Variants in UGT1A8 observed in about 807,000 individuals in gnomAD.
The protein encoded by UGT1A8 is UDP-glucuronosyltransferase 1A8.
In UGT1A8, 39 loss-of-function variants were observed where a neutral mutation model predicts 45.3. That is an observed-to-expected ratio of 0.86 (90% CI 0.67 to 1.12). The LOEUF (loss-of-function observed/expected upper bound fraction) is 1.12, where lower values mean the gene tolerates loss of function less well. Ranked by LOEUF, UGT1A8 falls within the 50% of genes most tolerant of loss-of-function variation. UGT1A8 has a pLI of 0.00. For synonymous variants in UGT1A8, 275 were observed against 249.2 expected (o/e 1.10, Z -0.97); for missense variants, 719 against 664.9 (o/e 1.08, Z -0.90).
intron 1 of UGT1A8, chr2:233,713,938 A>C: frequency 6.2e-7 from 1 of 1,610,914 alleles, no homozygotes; most frequent in Non-Finnish European, 8.5e-7. Flanking sequence ...AAGTGCTTCC[A>C]TATCTACTTA....
chr2:233,681,968 C>T, intron 1 of UGT1A8: 1 of 1,614,070 alleles, frequency 6.2e-7, no homozygotes, highest in Non-Finnish European at 8.5e-7. Flanking sequence ...TGGCCTCCTT[C>T]CCCTATATGT....
chr2:233,769,478 T>C lies in UGT1A8; in HGVS notation c.1295+1039T>C. The C allele has an allele frequency of 5.6e-6, 9 of 1,611,038 alleles. No homozygotes were observed. Among genetic ancestry groups the C allele is most frequent in the Non-Finnish European group, 7.6e-6 (9 of 1,178,536 alleles). On this transcript the variant is annotated intron_variant, in intron 4 of 4. Transcript: ENST00000373450. The surrounding 1 kb of genome is among the most constrained non-coding windows in gnomAD (Gnocchi z 4.4). Reference sequence around the variant, plus strand: ...GCATTCATATGCGTGTGTGTGTGTGTGCGTGTGTTTATGAGAGTGTCCATT... The same window carrying C: ...GCATTCATATGCGTGTGTGTGTGTGCGCGTGTGTTTATGAGAGTGTCCATT...
chr2:233,768,192 CT>C, intron 3 of UGT1A8, 27 bp from the exon 4 acceptor site: 1 of 1,614,080 alleles, frequency 6.2e-7, no homozygotes, highest in Non-Finnish European at 8.5e-7. Context: ...GATGTAACTG[CT>C]GACATCCTCC....
intron 1 of UGT1A8, among the ~76,000 whole-genome samples, chr2:233,669,095 T>C (rs1429104464): frequency 6.6e-6 from 1 of 152,188 alleles, no homozygotes; most frequent in Admixed American, 6.5e-5. Flanking sequence ...TGTTGAAGAG[T>C]CATCTTTTCC....
At chr2:233,754,372 G>A (rs994818909) in intron 1 of UGT1A8, 3 of 279,470 alleles carry the variant, frequency 1.1e-5, no homozygotes, top group East Asian at 9.0e-5. Flanking sequence ...TACAATGATC[G>A]AAAGACAAAC....
chr2:233,741,653 G>T (rs1248296818), intron 1 of UGT1A8: 1 of 151,908 alleles, frequency 6.6e-6, no homozygotes, highest in African/African-American at 2.4e-5. Flanking sequence ...CCAGCTGACT[G>T]CCATGTTCCT....
intron 1 of UGT1A8, among the ~76,000 whole-genome samples, chr2:233,641,708 T>C (rs1056943582): frequency 2.0e-5 from 3 of 152,210 alleles, no homozygotes; most frequent in Non-Finnish European, 4.4e-5. Flanking sequence ...ATTGATAAAA[T>C]TCCTCAACTT....
intron 1 of UGT1A8, among the ~76,000 whole-genome samples, chr2:233,761,404 T>C (rs1310235983): frequency 6.6e-6 from 1 of 152,228 alleles, no homozygotes; most frequent in East Asian, 1.9e-4. Flanking sequence ...TAGTAATCAA[T>C]TAGAAACAAC....
chr2:233,637,458 G>C, intron 1 of UGT1A8: 1 of 1,505,448 alleles, frequency 6.6e-7, no homozygotes, highest in Non-Finnish European at 8.8e-7. Flanking sequence ...ACTGTGATTT[G>C]ACATTTTCGT....
At chr2:233,727,532 C>T (rs1479523178) in intron 1 of UGT1A8, among the ~76,000 whole-genome samples, 28 of 152,260 alleles carry the variant, frequency 1.8e-4, no homozygotes, top group Middle Eastern at 6.8e-3. Context: ...CACTACCAGG[C>T]GTGTTCCACC....
chr2:233,719,540 G>C (rs1488835292), intron 1 of UGT1A8: 11 of 1,613,770 alleles, frequency 6.8e-6, no homozygotes, highest in Non-Finnish European at 8.5e-6. Context: ...AGCTTTTTCA[G>C]AGAGAGGTGT....
chr2:233,681,788 T>C, intron 1 of UGT1A8: 1 of 1,455,446 alleles, frequency 6.9e-7, no homozygotes, highest in Non-Finnish European at 9.1e-7. Flanking sequence ...TTATTATGAG[T>C]AAATCATTGG....
At chr2:233,640,644 C>CT (rs1331609909) in intron 1 of UGT1A8, among the ~76,000 whole-genome samples, 1 of 152,146 alleles carries the variant, frequency 6.6e-6, no homozygotes, top group Non-Finnish European at 1.5e-5. Flanking sequence ...AGAACAGTCT[C>CT]TTTTTTAGGC....
chr2:233,623,825 A>T (rs2073052921), intron 1 of UGT1A8, among the ~76,000 whole-genome samples: 1 of 152,060 alleles, frequency 6.6e-6, no homozygotes, highest in Admixed American at 6.5e-5. Flanking sequence ...TCAACAGAAG[A>T]CCCACCCTGG....
chr2:233,753,302 G>A (rs17862878), intron 1 of UGT1A8: 18,739 of 152,254 alleles, frequency 0.12, 1,732 homozygotes, highest in African/African-American at 0.24. Flanking sequence ...GTGAGACCCC[G>A]TGTGCCCCTG....
At chr2:233,718,910 G>A (rs760663679) in intron 1 of UGT1A8, 1 of 1,613,956 alleles carries the variant, frequency 6.2e-7, no homozygotes, top group Non-Finnish European at 8.5e-7. Context: ...AGAGTGGAAA[G>A]GTGTTGGTGG....
chr2:233,671,630 G>A (rs1293270060), intron 1 of UGT1A8, among the ~76,000 whole-genome samples: 1 of 152,106 alleles, frequency 6.6e-6, no homozygotes, highest in Non-Finnish European at 1.5e-5. Context: ...AACCTTCAAG[G>A]TCCAAAAGCA....
chr2:233,749,281 T>G (rs1294493695), intron 1 of UGT1A8, among the ~76,000 whole-genome samples: 1 of 151,972 alleles, frequency 6.6e-6, no homozygotes, highest in African/African-American at 2.4e-5. Context: ...CCTTATGCAG[T>G]GTAGTTATTC....
At chr2:233,652,176 G>T (rs960970373) in intron 1 of UGT1A8, among the ~76,000 whole-genome samples, 1 of 152,148 alleles carries the variant, frequency 6.6e-6, no homozygotes, top group African/African-American at 2.4e-5. Context: ...TTCCCCCATT[G>T]CTCTAAGATC....
Sources: gnomAD v4.1 joint callset for allele counts (sites outside exome capture counted in the v4.1 genomes callset) on GRCh38, gnomAD v4.1.1 for gene constraint, Gnocchi (gnomAD v3.1) non-coding constraint, MANE v1.5 for transcripts, NCBI Gene and HGNC (gene_info 2026-07-23, HGNC 2026-07-21) for gene names.